Variants in SPEF2 observed in about 807,000 individuals in gnomAD.
SPEF2 encodes the protein sperm flagellar and cilia associated 2, also known as sperm flagella and cilia-associated protein 2.
SPEF2 carries 187 observed loss-of-function variants against 224.6 expected under a neutral mutation model. The observed-to-expected ratio is 0.83, with a 90% confidence interval of 0.74 to 0.94. SPEF2 has a LOEUF of 0.94. SPEF2 is among the 40% of genes least tolerant of loss of function. The pLI is 0.00. For synonymous variants in SPEF2, 715 were observed against 707.3 expected (o/e 1.01, Z -0.17); for missense variants, 2,170 against 2,135.6 (o/e 1.02, Z -0.32).
chr5:35,694,012 G>A (rs189574955), intron 12 of SPEF2, among the ~76,000 whole-genome samples: 2 of 152,212 alleles, frequency 1.3e-5, no homozygotes, highest in Admixed American at 1.3e-4. Context: ...CAAAATAGTA[G>A]TTGGCATATT....
At chr5:35,620,055 A>G (rs966919002) in intron 1 of SPEF2, among the ~76,000 whole-genome samples, 7 of 152,132 alleles carry the variant, frequency 4.6e-5, no homozygotes, top group African/African-American at 1.2e-4. Flanking sequence ...CTCAACTACT[A>G]TAAGAGAGAT....
intron 7 of SPEF2, 71 bp downstream of exon 7, chr5:35,654,797 A>G (rs529564592): frequency 7.4e-6 from 10 of 1,352,332 alleles, no homozygotes; most frequent in South Asian, 6.2e-5. Flanking sequence ...TATACACATA[A>G]TATGTAGTTT....
intron 10 of SPEF2, among the ~76,000 whole-genome samples, chr5:35,679,013 T>C (rs752336561): frequency 2.1e-4 from 32 of 152,266 alleles, no homozygotes; most frequent in South Asian, 8.3e-4. Flanking sequence ...TTGGGGGTAG[T>C]TGGAGGACAG....
In SPEF2 at chr5:35,646,826, A is replaced by T; in HGVS notation, c.726+19A>T. 6.2e-7 allele frequency: 1 copy of T among 1,612,670 alleles called. No homozygotes were observed. Among genetic ancestry groups the T allele is most frequent in the South Asian group, 1.1e-5 (1 of 90,890 alleles). On this transcript the variant is annotated intron_variant, in intron 5 of 36. Coordinates refer to ENST00000356031, the MANE Select transcript of SPEF2 (RefSeq NM_024867.4). ...GGCAGAAGTAAGTGATAATCCTTTAATATTGTGCTGTGTTTATCTTAACTA... is the reference window on the plus strand; with the variant it reads ...GGCAGAAGTAAGTGATAATCCTTTATTATTGTGCTGTGTTTATCTTAACTA...
At chr5:35,791,904 C>G (rs1399231427) in intron 30 of SPEF2, among the ~76,000 whole-genome samples, 2 of 152,150 alleles carry the variant, frequency 1.3e-5, no homozygotes, top group African/African-American at 4.8e-5. Flanking sequence ...AATGTATTAC[C>G]TTGATTGTAG....
chr5:35,671,517 T>G, intron 10 of SPEF2: 14 of 983,348 alleles, frequency 1.4e-5, no homozygotes, highest in Non-Finnish European at 1.7e-5. Context: ...TTTGACAGTA[T>G]CAACCTGTGT....
chr5:35,672,749 A>C (rs539406925), intron 10 of SPEF2, among the ~76,000 whole-genome samples: 34 of 152,264 alleles, frequency 2.2e-4, no homozygotes, highest in African/African-American at 8.2e-4. Flanking sequence ...TTCAGAAATT[A>C]ATCTTCAAAA....
intron 16 of SPEF2, among the ~76,000 whole-genome samples, chr5:35,704,180 A>G (rs534564367): frequency 6.6e-6 from 1 of 152,238 alleles, no homozygotes; most frequent in Admixed American, 6.5e-5. Context: ...TTGTATGCAT[A>G]TTTGACGTTC....
In SPEF2 at chr5:35,641,592, A is replaced by C. The variant is rs1482909574; in HGVS notation, c.323A>C (p.Lys108Thr). 3 of 1,613,836 alleles carry C rather than the reference A, an allele frequency of 1.9e-6. No individual in the cohort carries two copies. In the East Asian group the frequency reaches 6.7e-5, roughly 36 times the overall value. ...TTGTACATTGCTCTTCAGAAAAAGAAGAAAAGTGGACTGACTGGAGTGGAG... is the reference window on the plus strand; with the variant it reads ...TTGTACATTGCTCTTCAGAAAAAGACGAAAAGTGGACTGACTGGAGTGGAG... The part of the protein sequence containing the change: ...YQLYIALQKK[K>T]KSGLTGVEMQ... The change falls in exon 3 of 37, where the codon AAG becomes ACG. Residue 108 changes from lysine (K) to threonine (T), a missense_variant. Physicochemically the swap from Lys to Thr is moderately conservative, Grantham distance 78. Coordinates refer to ENST00000356031, the MANE Select transcript of SPEF2 (RefSeq NM_024867.4).
chr5:35,730,148 A>G (rs1311648387), intron 21 of SPEF2, among the ~76,000 whole-genome samples: 1 of 152,196 alleles, frequency 6.6e-6, no homozygotes, highest in African/African-American at 2.4e-5. Flanking sequence ...CCTTACTTCA[A>G]CAGACAAATG....
At chr5:35,744,080 C>T (rs745464006) in intron 23 of SPEF2, among the ~76,000 whole-genome samples, 1 of 152,272 alleles carries the variant, frequency 6.6e-6, no homozygotes, top group South Asian at 2.1e-4. Flanking sequence ...ATACCATAAA[C>T]CTTGCTTTAT....
At chr5:35,635,648 A>G (rs946427864) in intron 2 of SPEF2, among the ~76,000 whole-genome samples, 2 of 152,182 alleles carry the variant, frequency 1.3e-5, no homozygotes, top group East Asian at 1.9e-4. Context: ...TTGTTGGCCA[A>G]AGATTTATTT....
At chr5:35,734,792 A>G (rs1580503483) in intron 21 of SPEF2, among the ~76,000 whole-genome samples, 1 of 144,948 alleles carries the variant, frequency 6.9e-6, no homozygotes, top group Non-Finnish European at 1.5e-5. Flanking sequence ...GCTCACTGCA[A>G]CCTCCGCCTC....
chr5:35,745,747 G>A (rs1311408567), intron 23 of SPEF2, among the ~76,000 whole-genome samples: 2 of 152,202 alleles, frequency 1.3e-5, no homozygotes, highest in Non-Finnish European at 2.9e-5. Context: ...CCCTGGTAGT[G>A]GAAGACAAAG....
intron 23 of SPEF2, among the ~76,000 whole-genome samples, chr5:35,752,841 A>C (rs927870421): frequency 6.6e-6 from 1 of 151,786 alleles, no homozygotes; most frequent in South Asian, 2.1e-4. Flanking sequence ...TAAATGAGCC[A>C]ATACAAGTAT....
chr5:35,640,889 CTT>C (rs1318027857), intron 2 of SPEF2, among the ~76,000 whole-genome samples: 2 of 152,218 alleles, frequency 1.3e-5, no homozygotes, highest in African/African-American at 2.4e-5. Context: ...AGAAATCACT[CTT>C]ATATTTCCTG....
chr5:35,683,693 A>G (rs1402581652), intron 10 of SPEF2, among the ~76,000 whole-genome samples: 2 of 152,156 alleles, frequency 1.3e-5, no homozygotes, highest in African/African-American at 2.4e-5. Context: ...GGCAGAGTCT[A>G]TTTCCTCTCT....
Position 35,800,212 on chromosome 5 carries a change from GACA to G in SPEF2, c.5010+70_5010+72del. The G allele has an allele frequency of 7.9e-6, 12 of 1,513,604 alleles. No homozygotes were observed. The South Asian group carries it at 1.5e-4, about 19-fold the overall frequency. 93.8% of individuals were successfully genotyped at this position (1,513,604 alleles called of 1,614,324 possible). A position where few individuals can be genotyped will look rare whatever the true frequency, so the allele number is the denominator to read the frequency against. The stretch of plus-strand genomic sequence containing the variant: ...AGGGGATGCCTGAAGATCCTAAACT[GACA>G]ACAAGGACTCTATTATTTTCATCTC... On this transcript the variant is annotated intron_variant, in intron 34 of 36. Transcript: ENST00000356031.
intron 20 of SPEF2, among the ~76,000 whole-genome samples, chr5:35,713,626 C>T (rs916198461): frequency 1.3e-5 from 2 of 150,432 alleles, no homozygotes; most frequent in Non-Finnish European, 2.9e-5. Context: ...GTCCCAGCTA[C>T]TCAGGAGGCT....
Sources: allele counts gnomAD v4.1 joint callset (sites outside exome capture counted in the v4.1 genomes callset), GRCh38; gene constraint gnomAD v4.1.1; transcripts MANE v1.5; gene names NCBI Gene and HGNC (gene_info 2026-07-23, HGNC 2026-07-21).